Variants in PATJ observed in about 807,000 individuals in gnomAD.
PATJ encodes PATJ crumbs cell polarity complex component.
In PATJ, 190 loss-of-function variants were observed where a neutral mutation model predicts 224.9. That is an observed-to-expected ratio of 0.84 (90% CI 0.75 to 0.95). The LOEUF (loss-of-function observed/expected upper bound fraction) is 0.95. Ranked by LOEUF, PATJ falls within the 40% of genes least tolerant of loss-of-function variation. The probability of loss-of-function intolerance (pLI) is 0.00; values close to 1 mark genes in which losing one functional copy is unlikely to be tolerated. For synonymous variants in PATJ, 769 were observed against 820.3 expected, an observed-to-expected ratio of 0.94 and a Z score of 1.07; for missense variants, 2,121 against 2,270.3, an observed-to-expected ratio of 0.93 and a Z score of 1.34.
chr1:62,140,934 C>T (rs974741283), intron 41 of PATJ, among the ~76,000 whole-genome samples: 1 of 151,804 alleles, frequency 6.6e-6, no homozygotes, highest in South Asian at 2.1e-4. Flanking sequence ...AGCTAGACAG[C>T]TTTCTTCCTA....
rs1480231786 is a variant in PATJ, at chr1:62,084,572, A to T, written c.4301A>T (p.Gln1434Leu). The change falls in exon 33 of 44, where the codon CAG becomes CTG. Residue 1434 changes from glutamine to leucine, a missense_variant. Gln to Leu is a moderately radical substitution (Grantham distance 113). Transcript: ENST00000642238. The part of the protein sequence containing the change: ...DPATCPIVPG[Q>L]EMIIEISKGR... ...GCAACGTGTCCCATTGTCCCTGGAC[A>T]GGAAATGATTATAGAAATATCCAAG... The T allele has an allele frequency of 6.2e-7, 1 of 1,613,356 alleles. No individual in the cohort carries two copies. Among genetic ancestry groups the T allele is most frequent in the African/African-American group, 1.3e-5 (1 of 74,934 alleles).
chr1:62,075,565 T>G (rs967298783), intron 31 of PATJ, among the ~76,000 whole-genome samples: 1 of 152,100 alleles, frequency 6.6e-6, no homozygotes, highest in Non-Finnish European at 1.5e-5. Context: ...TTCTTTTGAG[T>G]AGTGATGTTT....
intron 17 of PATJ, among the ~76,000 whole-genome samples, chr1:61,850,587 A>T (rs1001347871): frequency 3.9e-5 from 6 of 152,226 alleles, no homozygotes; most frequent in Non-Finnish European, 8.8e-5. Flanking sequence ...GATGATAAAA[A>T]TATCTTCTAA....
chr1:61,996,255 G>GA (rs1174293204), intron 28 of PATJ, among the ~76,000 whole-genome samples: 1 of 152,130 alleles, frequency 6.6e-6, no homozygotes, highest in Admixed American at 6.5e-5. Flanking sequence ...TTTTATAAGA[G>GA]AAAAAACCGA....
chr1:61,796,826 T>TTCCC lies in PATJ; in HGVS notation c.1261-449_1261-446dup, dbSNP rs369595683. On this transcript the variant is annotated intron_variant, in intron 10 of 43. Transcript: ENST00000642238. ...TCCTTCCTTCTCCTTCCTTCCTTCC[T>TTCCC]TCCCTCCCTCCCTCCTTCCTTCCGT... is the stretch of plus-strand genomic sequence containing the variant. Among the ~76,000 whole-genome samples the TTCCC allele has an allele frequency of 7.8e-3, 1,150 of 147,938 alleles. 21 individuals carry two copies. The highest frequency in any genetic ancestry group is 0.028 in the African/African-American group (1,093 of 39,556).
chr1:61,901,751 CCA>C (rs776501713), intron 24 of PATJ, among the ~76,000 whole-genome samples: 1 of 152,178 alleles, frequency 6.6e-6, no homozygotes, highest in Non-Finnish European at 1.5e-5. Flanking sequence ...TATGCTTCTC[CCA>C]CATTCTTTAA....
intron 7 of PATJ, among the ~76,000 whole-genome samples, chr1:61,785,832 T>C (rs528829636): frequency 2.6e-5 from 4 of 152,266 alleles, no homozygotes; most frequent in Non-Finnish European, 5.9e-5. Context: ...ATGTATATAA[T>C]ATCTGTACAC....
At chr1:61,897,281 G>A (rs1285634591) in intron 22 of PATJ, among the ~76,000 whole-genome samples, 1 of 152,210 alleles carries the variant, frequency 6.6e-6, no homozygotes, top group Admixed American at 6.5e-5. Flanking sequence ...ATAGGTTAAA[G>A]TGAAAACAGT....
chr1:61,861,730 A>G, intron 19 of PATJ, 63 bp downstream of exon 19: 1 of 680,988 alleles, frequency 1.5e-6, no homozygotes, highest in East Asian at 3.0e-5. Flanking sequence ...CTATGTAGAA[A>G]GAATAAAAAG....
chr1:62,045,743 A>T (rs538513115), intron 30 of PATJ, among the ~76,000 whole-genome samples: 2 of 152,328 alleles, frequency 1.3e-5, no homozygotes, highest in Non-Finnish European at 2.9e-5. Context: ...TCCGTCAGCC[A>T]GATGGTCCTC....
At chr1:61,960,579 G>A (rs747760964) in intron 27 of PATJ, among the ~76,000 whole-genome samples, 3 of 151,408 alleles carry the variant, frequency 2.0e-5, no homozygotes, top group Non-Finnish European at 4.4e-5. Context: ...AGAAGAATCA[G>A]CTTGAACCAG....
chr1:61,768,958 T>A (rs1303207952), intron 4 of PATJ, among the ~76,000 whole-genome samples: 1 of 152,194 alleles, frequency 6.6e-6, no homozygotes, highest in Non-Finnish European at 1.5e-5. Context: ...GGAAATTCAA[T>A]GTAAAAAAGT....
intron 43 of PATJ, among the ~76,000 whole-genome samples, chr1:62,153,784 C>T (rs1435952148): frequency 6.6e-6 from 1 of 152,098 alleles, no homozygotes; most frequent in African/African-American, 2.4e-5. Flanking sequence ...TAGAAGGTGT[C>T]CTTGGAAGTA....
chr1:61,813,573 C>T (rs948090671), intron 14 of PATJ, among the ~76,000 whole-genome samples: 6 of 151,708 alleles, frequency 4.0e-5, no homozygotes, highest in Middle Eastern at 3.4e-3. Flanking sequence ...ACTGGGTGCT[C>T]GGGTTCCAGA....
intron 43 of PATJ, among the ~76,000 whole-genome samples, chr1:62,155,688 A>G (rs556560288): frequency 1.9e-3 from 198 of 104,024 alleles, no homozygotes; most frequent in African/African-American, 7.2e-3. Context: ...AAAAGCTCTG[A>G]ATTTAAAAAA....
intron 41 of PATJ, among the ~76,000 whole-genome samples, chr1:62,139,671 G>A (rs1251304739): frequency 6.6e-6 from 1 of 152,060 alleles, no homozygotes; most frequent in Non-Finnish European, 1.5e-5. Context: ...TAACTCTGCT[G>A]CCTATCAAGT....
intron 16 of PATJ, among the ~76,000 whole-genome samples, 187 bp downstream of exon 16, chr1:61,827,770 C>T (rs1392191190): frequency 6.6e-6 from 1 of 152,056 alleles, no homozygotes; most frequent in African/African-American, 2.4e-5. Context: ...TCTTTCCTTC[C>T]CTTTCCTTGA....
chr1:61,763,215 AT>A, intron 3 of PATJ, 36 bp downstream of exon 3: 1 of 1,198,872 alleles, frequency 8.3e-7, no homozygotes, highest in Non-Finnish European at 1.1e-6. Flanking sequence ...TTAATATATT[AT>A]ATTAATATAT....
chr1:62,161,222 C>G lies in PATJ; in HGVS notation c.*168C>G. The stretch of plus-strand genomic sequence containing the variant: ...GAGGTTTCATGTGAATTTCCCAAAT[C>G]AACAATCATCTCCTAATGTTTCCCA... On this transcript the variant is annotated 3_prime_UTR_variant, in exon 44 of 44. Coordinates refer to ENST00000642238, the MANE Select transcript of PATJ (RefSeq NM_001350145.3). 2.3e-6 allele frequency: 1 copy of G among 437,604 alleles called. No homozygotes were observed. The highest frequency in any genetic ancestry group is 3.5e-5 in the East Asian group (1 of 28,482). The allele number at this position is 437,604 out of a possible 1,614,324, so 27.1% of individuals were successfully genotyped here. A position where few individuals can be genotyped will look rare whatever the true frequency, so the allele number is the denominator to read the frequency against.
Sources: gnomAD v4.1 joint callset for allele counts (sites outside exome capture counted in the v4.1 genomes callset) on GRCh38, gnomAD v4.1.1 for gene constraint, MANE v1.5 for transcripts, NCBI Gene and HGNC (gene_info 2026-07-23, HGNC 2026-07-21) for gene names.